RBM44: variants seen among roughly 807,000 people sequenced by gnomAD.
The protein encoded by RBM44 is RNA binding motif protein 44, also known as RNA-binding protein 44.
In RBM44, 66 loss-of-function variants were observed where a neutral mutation model predicts 105.1. The observed-to-expected ratio is 0.63, with a 90% CI of 0.52 to 0.77. RBM44 has a LOEUF of 0.77. RBM44 is among the 30% of genes least tolerant of loss of function. RBM44 has a pLI of 0.00. For missense variants in RBM44, 1,122 were observed against 1,207.8 expected, an observed-to-expected ratio of 0.93 and a Z score of 1.05; for synonymous variants, 365 against 417.6, an observed-to-expected ratio of 0.87 and a Z score of 1.54.
Position 237,834,267 on chromosome 2 carries a change from C to CT in RBM44, c.3033-6dup. On this transcript the variant is annotated splice_polypyrimidine_tract_variant and intron_variant, in intron 14 of 15. Coordinates refer to ENST00000316997, the MANE Select transcript of RBM44 (RefSeq NM_001080504.3). Reference sequence around the variant, plus strand: ...AAGACAAATACTCATGTATGTTTTCCTTTTTCATAGAGACCATATTATAAA... The same window carrying CT: ...AAGACAAATACTCATGTATGTTTTCCTTTTTTCATAGAGACCATATTATAAA... The CT allele has an allele frequency of 6.4e-7, 1 of 1,558,710 alleles. No homozygotes were observed. Among genetic ancestry groups the CT allele is most frequent in the South Asian group, 1.2e-5 (1 of 81,044 alleles).
At chr2:237,839,564 C>T (rs114364971) in intron 15 of RBM44, among the ~76,000 whole-genome samples, 306 of 152,190 alleles carry the variant, frequency 2.0e-3, no homozygotes, top group Non-Finnish European at 3.0e-3. Context: ...CCACTGCGCC[C>T]GGCCCCTAAA....
Position 237,818,673 on chromosome 2 carries a change from C to G in RBM44, c.1677+77C>G, listed in dbSNP as rs771473976. 9.6e-7 allele frequency: 1 copy of G among 1,038,140 alleles called. No homozygotes were observed. The highest frequency in any genetic ancestry group is 2.1e-5 in the South Asian group (1 of 47,492). The allele number at this position is 1,038,140 out of a possible 1,614,324, so 64.3% of individuals were successfully genotyped here. The stretch of plus-strand genomic sequence containing the variant: ...TATGCTAATGTAAGTGTTTTTGGTT[C>G]GTTGAATTAAGGCTTTTGTGAGAAG... On this transcript the variant is annotated intron_variant, in intron 3 of 15. Transcript: ENST00000316997. This position sits in a 1 kb window ranked among gnomAD's most constrained non-coding sequence, Gnocchi z 4.6.
rs1330523148 is a variant in RBM44 at position 237,827,339 on chromosome 2, G to A, written c.2529+10G>A. 3.2e-6 allele frequency: 5 copies of A among 1,540,912 alleles called. No homozygotes were observed. In the African/African-American group the frequency reaches 6.8e-5, roughly 21 times the overall value. Reference sequence around the variant, plus strand: ...CCCTTCAGTATCTGAGGTATACCAGGATTATTTTTTTGAGCTTCATTTTCA... The same window carrying A: ...CCCTTCAGTATCTGAGGTATACCAGAATTATTTTTTTGAGCTTCATTTTCA... On this transcript the variant is annotated intron_variant, in intron 11 of 15. Coordinates refer to ENST00000316997, the MANE Select transcript of RBM44 (RefSeq NM_001080504.3).
intron 1 of RBM44, 148 bp from the exon 2 acceptor site, chr2:237,813,444 T>A (rs971728782): frequency 2.1e-5 from 10 of 487,308 alleles, no homozygotes; most frequent in African/African-American, 2.0e-4. Context: ...ATTTTTTAGA[T>A]TTAAACTTCT....
chr2:237,813,558 T>C (rs2061681108), intron 1 of RBM44, 34 bp from the exon 2 acceptor site: 3 of 1,136,300 alleles, frequency 2.6e-6, no homozygotes, highest in Admixed American at 3.7e-5. Context: ...GCTTTTTAAG[T>C]ATAATAATAG....
chr2:237,823,812 G>A (rs2061818438), intron 9 of RBM44, among the ~76,000 whole-genome samples: 1 of 151,902 alleles, frequency 6.6e-6, no homozygotes, highest in Non-Finnish European at 1.5e-5. Context: ...ATTCTCTCTT[G>A]TATCTAATTT....
Position 237,827,542 on chromosome 2 carries a change from G to T in RBM44, c.2600+39G>T, listed in dbSNP as rs966539643. The T allele has an allele frequency of 5.2e-6, 6 of 1,160,012 alleles. No individual in the cohort carries two copies. The African/African-American group carries it at 9.3e-5, about 18-fold the overall frequency. The allele number at this position is 1,160,012 out of a possible 1,614,324, so 71.9% of individuals were successfully genotyped here. On this transcript the variant is annotated intron_variant, in intron 12 of 15. Coordinates refer to ENST00000316997, the MANE Select transcript of RBM44 (RefSeq NM_001080504.3). ...CTTTAATCAATGTGCATTATTATGT[G>T]TCTGCTGTTTGCCAAAGGTTCTATA...
chr2:237,800,327 G>T (rs1054136790), intron 1 of RBM44, among the ~76,000 whole-genome samples: 1 of 152,016 alleles, frequency 6.6e-6, no homozygotes, highest in Non-Finnish European at 1.5e-5. Context: ...CCTTTTTATT[G>T]TTCAGTTGTA....
chr2:237,831,534 C>T lies in RBM44; in HGVS notation c.2886+2032C>T, dbSNP rs148064532. Among the ~76,000 whole-genome samples the T allele has an allele frequency of 5.3e-5, 8 of 152,262 alleles. No individual in the cohort carries two copies. In the East Asian group the frequency reaches 1.4e-3, roughly 26 times the overall value. On this transcript the variant is annotated intron_variant, in intron 13 of 15. Coordinates refer to ENST00000316997, the MANE Select transcript of RBM44 (RefSeq NM_001080504.3). ...CTGACCTCAAGTCATCTGCTCACCT[C>T]GGCCTCCCAAAATGCTGGTATTACT...
chr2:237,824,617 C>T (rs1241460089), intron 10 of RBM44, among the ~76,000 whole-genome samples, 198 bp downstream of exon 10: 1 of 152,084 alleles, frequency 6.6e-6, no homozygotes, highest in Non-Finnish European at 1.5e-5. Context: ...CTGCTAAAAG[C>T]TTAAATCCAA....
chr2:237,813,757 T>A, intron 2 of RBM44, 75 bp downstream of exon 2: 2 of 964,782 alleles, frequency 2.1e-6, no homozygotes, highest in Non-Finnish European at 3.3e-6. Context: ...CAGTTTGCCC[T>A]TCAGGTTGCT....
chr2:237,810,480 CT>C (rs2061647998), intron 1 of RBM44, among the ~76,000 whole-genome samples: 1 of 152,202 alleles, frequency 6.6e-6, no homozygotes, highest in African/African-American at 2.4e-5. Flanking sequence ...CTTTTCTTCT[CT>C]TTCAGTCATT....
intron 8 of RBM44, among the ~76,000 whole-genome samples, chr2:237,822,559 A>G (rs1202718018): frequency 6.6e-6 from 1 of 152,110 alleles, no homozygotes; most frequent in Admixed American, 6.6e-5. Context: ...TAAAAGTGAA[A>G]TACTTGAGTA....
At position 237,817,832 on chromosome 2, in the gene RBM44, G is replaced by A. The variant is rs201929224; in HGVS notation, c.913G>A (p.Gly305Arg). Residue 305 changes from glycine to arginine, a missense_variant, in exon 3 of 16, where the codon GGA becomes AGA. Around this residue, in one of 3 missense-constraint regions of RBM44, gnomAD observed 918 missense variants for 955.3 expected, o/e 0.96. Coordinates refer to ENST00000316997, the MANE Select transcript of RBM44 (RefSeq NM_001080504.3). The part of the protein sequence containing the change: ...DGSVLRSNSP[G>R]NQESQSKSGS... ...CAGTGTACTAAGAAGCAATTCTCCA[G>A]GAAACCAGGAATCTCAATCTAAGAG... 95 of 1,612,000 alleles carry A rather than the reference G, an allele frequency of 5.9e-5. 1 individual carries two copies. In the African/African-American group the frequency reaches 1.0e-3, roughly 17 times the overall value.
chr2:237,833,944 T>TCAACCATTA, intron 13 of RBM44, 53 bp from the exon 14 acceptor site: 1 of 998,778 alleles, frequency 1.0e-6, no homozygotes, highest in Non-Finnish European at 1.4e-6. Context: ...CGGTATTATC[T>TCAACCATTA]TTATGTAATG....
intron 2 of RBM44, among the ~76,000 whole-genome samples, chr2:237,816,396 A>G (rs1246731878): frequency 6.6e-6 from 1 of 152,168 alleles, no homozygotes; most frequent in Non-Finnish European, 1.5e-5. Flanking sequence ...ATAAATTTAT[A>G]AGAAAAAAGT....
At chr2:237,822,737 C>A (rs1283185291) in intron 8 of RBM44, among the ~76,000 whole-genome samples, 1 of 148,550 alleles carries the variant, frequency 6.7e-6, no homozygotes, top group East Asian at 2.1e-4. Context: ...TTTTAAAGAA[C>A]AAGATAAAGA....
Position 237,798,924 on chromosome 2 carries a change from G to A in RBM44, c.-19+63G>A, listed in dbSNP as rs1401757723. The stretch of plus-strand genomic sequence containing the variant: ...GCGAAGCCGGCGAGGGCGAGGCCAT[G>A]GGCTTGAGCGGTCGGGGTTGGCGAA... On this transcript the variant is annotated intron_variant, in intron 1 of 15. Coordinates refer to ENST00000316997, the MANE Select transcript of RBM44 (RefSeq NM_001080504.3). This position sits in a 1 kb window ranked among gnomAD's most constrained non-coding sequence, Gnocchi z 4.3. The A allele has an allele frequency of 6.6e-6, 1 of 152,134 alleles. No homozygotes were observed. The highest frequency in any genetic ancestry group is 1.5e-5 in the Non-Finnish European group (1 of 68,122). The allele number at this position is 152,134 out of a possible 1,614,324, so 9.4% of individuals were successfully genotyped here. A position where few individuals can be genotyped will look rare whatever the true frequency, so the allele number is the denominator to read the frequency against.
rs758509142 is a variant in RBM44, at chr2:237,813,672, C to A, written c.63C>A (p.Asn21Lys). Residue 21 changes from asparagine to lysine, a missense_variant, in exon 2 of 16, where the codon AAC becomes AAA. By Grantham distance (94) the Asn-to-Lys change is moderately conservative. This residue lies in a region of RBM44 where 918 missense variants were observed against 955.3 expected (regional missense o/e 0.96). Coordinates refer to ENST00000316997, the MANE Select transcript of RBM44 (RefSeq NM_001080504.3). ...SGKGYHSNGG[N>K]LQKDKPSNPK... The stretch of plus-strand genomic sequence containing the variant: ...AAGGCTACCACAGTAATGGAGGCAA[C>A]CTCCAAAAAGGTAAGGGTCTAGTCC... 6.2e-6 allele frequency: 10 copies of A among 1,606,672 alleles called. No homozygotes were observed. The highest frequency in any genetic ancestry group is 5.0e-5 in the Admixed American group (3 of 59,932).
Sources: allele counts gnomAD v4.1 joint callset (sites outside exome capture counted in the v4.1 genomes callset), GRCh38; gene constraint gnomAD v4.1.1; regional missense constraint gnomAD v4.1.1; non-coding constraint Gnocchi (gnomAD v3.1); transcripts MANE v1.5; gene names NCBI Gene and HGNC (gene_info 2026-07-23, HGNC 2026-07-21).